Variants in MDM1 observed in about 807,000 individuals in gnomAD.
The protein encoded by MDM1 is stabilizer of axonemal microtubules 6, also known as Mdm1 nuclear protein.
Under a neutral mutation model 89.1 loss-of-function variants are expected in MDM1, and 61 were observed. That is an observed-to-expected ratio of 0.68 (90% confidence interval 0.56 to 0.85). MDM1 has a LOEUF of 0.85. MDM1 is among the 40% of genes least tolerant of loss of function. The probability of loss-of-function intolerance (pLI) is 0.00; values close to 1 mark genes in which losing one functional copy is unlikely to be tolerated. For missense variants in MDM1, 820 were observed against 846.5 expected, an observed-to-expected ratio of 0.97 and a Z score of 0.39; for synonymous variants, 290 against 294.1, an observed-to-expected ratio of 0.99 and a Z score of 0.14.
intron 2 of MDM1, among the ~76,000 whole-genome samples, chr12:68,330,388 C>T (rs1876616432): frequency 6.6e-6 from 1 of 152,180 alleles, no homozygotes; most frequent in South Asian, 2.1e-4. Flanking sequence ...ACCAGACGAA[C>T]CCCAAATTAC....
intron 2 of MDM1, among the ~76,000 whole-genome samples, chr12:68,328,102 C>T (rs1565787864): frequency 1.3e-5 from 2 of 152,146 alleles, no homozygotes; most frequent in Non-Finnish European, 2.9e-5. Context: ...TACTCCAGTG[C>T]GTCCGCCCAA....
At position 68,331,111 on chromosome 12, in the gene MDM1, T is replaced by C. The variant is rs374915436; in HGVS notation, c.129A>G (p.Gln43=). The C allele has an allele frequency of 1.1e-4, 176 of 1,571,422 alleles. No individual in the cohort carries two copies. The highest frequency in any genetic ancestry group is 1.4e-4 in the Non-Finnish European group (161 of 1,141,154). ...CTATTAGCCTGCTCAACTTACCTAA[T>C]TGATCTGATCTAAGTCCAGCCCATG... The part of the protein sequence containing the change: ...KYPWAGLRSD[Q]LGITKEPSFI... Residue 43 remains glutamine, a synonymous_variant, in exon 2 of 15, where the codon CAA becomes CAG. Coordinates refer to ENST00000682720, the MANE Select transcript of MDM1 (RefSeq NM_001354969.2).
Position 68,298,835 on chromosome 12 carries a change from G to A in MDM1, c.2003-1853C>T, listed in dbSNP as rs576184355. ...GCCTGAAGCCTGAACTATCAACTCA[G>A]TAAACAAAATACTGGAGAAAAATTA... On this transcript the variant is annotated intron_variant, in intron 13 of 14. Coordinates refer to ENST00000682720, the MANE Select transcript of MDM1 (RefSeq NM_001354969.2). Among the ~76,000 whole-genome samples, 140 of 152,026 alleles carry A rather than the reference G, an allele frequency of 9.2e-4. 2 individuals carry two copies. The highest frequency in any genetic ancestry group is 1.9e-3 in the Non-Finnish European group (126 of 68,008).
At chr12:68,324,544 G>A (rs1431135208) in intron 4 of MDM1, among the ~76,000 whole-genome samples, 1 of 152,138 alleles carries the variant, frequency 6.6e-6, no homozygotes, top group Non-Finnish European at 1.5e-5. Flanking sequence ...CTATCTTAAT[G>A]TAAGATGACT....
intron 12 of MDM1, among the ~76,000 whole-genome samples, chr12:68,311,896 C>A (rs941811296): frequency 3.3e-5 from 5 of 152,302 alleles, no homozygotes; most frequent in African/African-American, 7.2e-5. Flanking sequence ...ATCAAGGTCA[C>A]CAAAGACCTC....
chr12:68,299,085 T>C (rs1474681501), intron 13 of MDM1, among the ~76,000 whole-genome samples: 1 of 151,944 alleles, frequency 6.6e-6, no homozygotes, highest in Admixed American at 6.6e-5. Flanking sequence ...TAACAAATTA[T>C]AATCATTAAG....
intron 5 of MDM1, 52 bp downstream of exon 5, chr12:68,323,021 G>T: frequency 6.5e-7 from 1 of 1,535,324 alleles, no homozygotes; most frequent in Non-Finnish European, 8.8e-7. Context: ...AAAACGTGGA[G>T]AATCTAAAAT....
rs1876050483 is a variant in MDM1, at chr12:68,326,766, C to T, written c.389G>A (p.Gly130Glu). 1 of 1,613,954 alleles carries T rather than the reference C, an allele frequency of 6.2e-7. No individual in the cohort carries two copies. The highest frequency in any genetic ancestry group is 1.3e-5 in the African/African-American group (1 of 74,904). Reference sequence around the variant, plus strand: ...CTCATTATTTTCCACATCTGAAGCCCCTTCAGCTCTGGAGTCTGCAGAGTG... The same window carrying T: ...CTCATTATTTTCCACATCTGAAGCCTCTTCAGCTCTGGAGTCTGCAGAGTG... ...RSHSADSRAEGASDVENNEGV... is the reference protein window; with the variant it reads ...RSHSADSRAEEASDVENNEGV... Residue 130 changes from glycine to glutamate, a missense_variant, in exon 3 of 15, where the codon GGG (glycine) becomes GAG (glutamate). Physicochemically the swap from Gly to Glu is moderately conservative, Grantham distance 98. Coordinates refer to ENST00000682720, the MANE Select transcript of MDM1 (RefSeq NM_001354969.2).
At chr12:68,329,556 T>C (rs866960642) in intron 2 of MDM1, among the ~76,000 whole-genome samples, 26 of 152,306 alleles carry the variant, frequency 1.7e-4, no homozygotes, top group Middle Eastern at 3.4e-3. Flanking sequence ...TGCAACAGAC[T>C]TCCTAAAATC....
chr12:68,325,193 C>A, intron 4 of MDM1: 3 of 1,100,766 alleles, frequency 2.7e-6, no homozygotes, highest in Non-Finnish European at 3.3e-6. Context: ...GTTTTCATTA[C>A]CCTGTCTCAT....
chr12:68,329,354 C>T (rs779758104), intron 2 of MDM1, among the ~76,000 whole-genome samples: 7 of 152,162 alleles, frequency 4.6e-5, no homozygotes. Context: ...CTGAAAATAC[C>T]TCGTCGTCTT....
intron 2 of MDM1, among the ~76,000 whole-genome samples, chr12:68,328,962 G>T (rs1184658878): frequency 6.6e-6 from 1 of 151,936 alleles, no homozygotes; most frequent in Non-Finnish European, 1.5e-5. Flanking sequence ...ATGCTCTAAG[G>T]TGGCTTTGCT....
At chr12:68,301,914 A>G (rs1004714664) in intron 13 of MDM1, among the ~76,000 whole-genome samples, 1 of 152,108 alleles carries the variant, frequency 6.6e-6, no homozygotes, top group Admixed American at 6.5e-5. Context: ...CTGGCCTCAA[A>G]TGATCTGCCT....
chr12:68,323,852 T>C (rs1196427114), intron 4 of MDM1, among the ~76,000 whole-genome samples: 1 of 152,186 alleles, frequency 6.6e-6, no homozygotes, highest in Admixed American at 6.5e-5. Flanking sequence ...TGCTGGATAG[T>C]ACATCTTCAT....
chr12:68,326,054 G>C (rs1875923893), intron 3 of MDM1: 1 of 995,512 alleles, frequency 1.0e-6, no homozygotes, highest in African/African-American at 1.7e-5. Flanking sequence ...GTCAGTGGTG[G>C]ACATGAACCA....
chr12:68,327,203 A>G (rs1876131612), intron 2 of MDM1, 182 bp from the exon 3 acceptor site: 2 of 1,397,790 alleles, frequency 1.4e-6, no homozygotes, highest in African/African-American at 1.4e-5. Context: ...AACATAAAAT[A>G]TTTAATTTTG....
At position 68,323,193 on chromosome 12, in the gene MDM1, T is replaced by C; in HGVS notation, c.681A>G (p.Ser227=). The C allele has an allele frequency of 3.7e-6, 6 of 1,607,914 alleles. No individual in the cohort carries two copies. Among genetic ancestry groups the C allele is most frequent in the Non-Finnish European group, 5.1e-6 (6 of 1,178,054 alleles). ...SQFVPPFKGN[S]VIHETEYKRN... ...TTTTGTATTCAGTTTCATGGATGAC[T>C]GAGTTACCTTTGAATGGTGGAACAA... is the stretch of plus-strand genomic sequence containing the variant. Residue 227 remains serine, a synonymous_variant, in exon 5 of 15, where the codon TCA becomes TCG. Coordinates refer to ENST00000682720, the MANE Select transcript of MDM1 (RefSeq NM_001354969.2).
intron 2 of MDM1, among the ~76,000 whole-genome samples, chr12:68,328,054 T>A: frequency 6.6e-6 from 1 of 152,254 alleles, no homozygotes; most frequent in East Asian, 1.9e-4. Context: ...TTTCCCACTT[T>A]AGAGAAGAAA....
At position 68,321,613 on chromosome 12, in the gene MDM1, C is replaced by A; in HGVS notation, c.817G>T (p.Asp273Tyr). Residue 273 changes from aspartate to tyrosine, a missense_variant, in exon 6 of 15, where the codon GAT (aspartate) becomes TAT (tyrosine). Coordinates refer to ENST00000682720, the MANE Select transcript of MDM1 (RefSeq NM_001354969.2). ...SPERKSNKID[D>Y]RLKLEAEMEL... Reference sequence around the variant, plus strand: ...ATCTCTGCTTCCAATTTTAAACGATCGTCTATTTTATTACTCTGAAATGGA... The same window carrying A: ...ATCTCTGCTTCCAATTTTAAACGATAGTCTATTTTATTACTCTGAAATGGA... The A allele has an allele frequency of 6.2e-7, 1 of 1,609,470 alleles. No individual in the cohort carries two copies. The highest frequency in any genetic ancestry group is 8.5e-7 in the Non-Finnish European group (1 of 1,177,866).
Sources: gnomAD v4.1 joint callset for allele counts (sites outside exome capture counted in the v4.1 genomes callset) on GRCh38, gnomAD v4.1.1 for gene constraint, MANE v1.5 for transcripts, NCBI Gene and HGNC (gene_info 2026-07-23, HGNC 2026-07-21) for gene names.